The following SAMSN1 variants were observed in gnomAD, a reference collection of about 807,000 sequenced individuals.
The protein encoded by SAMSN1 is SAM domain, SH3 domain and nuclear localization signals 1.
SAMSN1 carries 31 observed loss-of-function variants against 42.0 expected under a neutral mutation model. The observed-to-expected ratio is 0.74, with a 90% confidence interval of 0.55 to 1.00. The LOEUF (loss-of-function observed/expected upper bound fraction) is 1.00. SAMSN1 is among the 50% of genes least tolerant of loss of function. SAMSN1 has a pLI of 0.00. For synonymous variants in SAMSN1, 178 were observed against 151.9 expected, an observed-to-expected ratio of 1.17 and a Z score of -1.26; for missense variants, 464 against 439.4, an observed-to-expected ratio of 1.06 and a Z score of -0.50.
chr21:14,653,620 A>T (rs1023010862), intron 1 of SAMSN1, among the ~76,000 whole-genome samples: 3 of 151,990 alleles, frequency 2.0e-5, no homozygotes, highest in Non-Finnish European at 4.4e-5. Context: ...TAATAACTTA[A>T]TCGTACATTT....
At chr21:14,534,618 C>T (rs1281088464) in intron 1 of SAMSN1, among the ~76,000 whole-genome samples, 2 of 151,860 alleles carry the variant, frequency 1.3e-5, no homozygotes, top group Non-Finnish European at 2.9e-5. Flanking sequence ...CGGGTTCACG[C>T]CATTCTCCTG....
intron 7 of SAMSN1, chr21:14,592,589 C>A: frequency 5.8e-6 from 2 of 347,556 alleles, no homozygotes; most frequent in Non-Finnish European, 1.2e-5. Flanking sequence ...TCCTTGGGGA[C>A]ATTTGACTAC....
intron 2 of SAMSN1, among the ~76,000 whole-genome samples, chr21:14,552,040 G>T (rs916681857): frequency 6.6e-6 from 1 of 152,108 alleles, no homozygotes; most frequent in African/African-American, 2.4e-5. Flanking sequence ...GTTGAAAAGA[G>T]AGTTGGTTCA....
chr21:14,591,583 T>C (rs1429013838), intron 7 of SAMSN1: 1 of 152,118 alleles, frequency 6.6e-6, no homozygotes, highest in Non-Finnish European at 1.5e-5. Flanking sequence ...GAGGAAAAAG[T>C]AGATGTGTCA....
intron 6 of SAMSN1, among the ~76,000 whole-genome samples, chr21:14,499,089 A>G (rs745798677): frequency 1.3e-5 from 2 of 152,200 alleles, no homozygotes; most frequent in African/African-American, 2.4e-5. Flanking sequence ...GTAATTCTAT[A>G]CAAAAAAGTG....
At chr21:14,591,518 G>A (rs1275371455) in intron 7 of SAMSN1, 3 of 152,128 alleles carry the variant, frequency 2.0e-5, no homozygotes, top group African/African-American at 7.2e-5. Flanking sequence ...ACTTCCTAGA[G>A]TCAGTATGGT....
chr21:14,548,928 T>G (rs1430034566), upstream of SAMSN1, among the ~76,000 whole-genome samples: 2 of 152,176 alleles, frequency 1.3e-5, no homozygotes, highest in Non-Finnish European at 2.9e-5. Flanking sequence ...ACCCTGTTGC[T>G]TAACATGTAT....
At chr21:14,562,287 G>A (rs929149445) in intron 2 of SAMSN1, among the ~76,000 whole-genome samples, 4 of 152,272 alleles carry the variant, frequency 2.6e-5, no homozygotes, top group Admixed American at 1.3e-4. Flanking sequence ...AATTTCTAAA[G>A]CTTGTTGATC....
Position 14,619,587 on chromosome 21 carries a change from T to A in SAMSN1, c.157-3571A>T, listed in dbSNP as rs1397242066. On this transcript the variant is annotated intron_variant, in intron 2 of 15. Coordinates refer to the SAMSN1 transcript ENST00000647101. ...CATTCACATTTTATTCAACAAACAC[T>A]TATTGAACATCTACTATGTACCAGA... The A allele has an allele frequency of 1.9e-5, 4 of 210,878 alleles. No homozygotes were observed. The Middle Eastern group carries it at 1.4e-3, about 76-fold the overall frequency. The allele number at this position is 210,878 out of a possible 1,614,324, so 13.1% of individuals were successfully genotyped here.
intron 1 of SAMSN1, among the ~76,000 whole-genome samples, chr21:14,657,303 T>C (rs1292244115): frequency 2.0e-5 from 3 of 151,870 alleles, no homozygotes; most frequent in East Asian, 3.9e-4. Flanking sequence ...TAATGAAATA[T>C]GTTTCTGAAC....
chr21:14,525,935 G>A (rs974236240), intron 1 of SAMSN1, among the ~76,000 whole-genome samples: 1 of 152,062 alleles, frequency 6.6e-6, no homozygotes, highest in Non-Finnish European at 1.5e-5. Context: ...CTCCATCTCG[G>A]CTCACTGCAA....
intron 5 of SAMSN1, among the ~76,000 whole-genome samples, chr21:14,605,227 C>T (rs1345829311): frequency 2.0e-5 from 3 of 152,220 alleles, no homozygotes; most frequent in African/African-American, 7.2e-5. Flanking sequence ...CTCTGAAGAA[C>T]TGAAGGATCC....
At chr21:14,558,796 G>A (rs975201755) in intron 2 of SAMSN1, among the ~76,000 whole-genome samples, 23 of 152,192 alleles carry the variant, frequency 1.5e-4, no homozygotes, top group African/African-American at 5.5e-4. Context: ...ATCTATTATT[G>A]ATCTTTATAA....
At position 14,592,497 on chromosome 21, in the gene SAMSN1, G is replaced by C. The variant is rs140447750; in HGVS notation, c.465+1516C>G. The C allele has an allele frequency of 7.3e-3, 1,315 of 179,760 alleles. 7 individuals carry two copies. The highest frequency in any genetic ancestry group is 0.013 in the Non-Finnish European group (971 of 75,234). The allele number at this position is 179,760 out of a possible 1,614,324, so 11.1% of individuals were successfully genotyped here. On this transcript the variant is annotated intron_variant, in intron 7 of 15. Transcript: ENST00000647101. ...TGTGACTGGCCATGTGAACTTGAGT[G>C]AGCCACTTCTCCTCTCTGCACTTCA...
intron 2 of SAMSN1, among the ~76,000 whole-genome samples, chr21:14,518,615 C>A (rs1003397757): frequency 2.0e-5 from 3 of 152,248 alleles, no homozygotes; most frequent in South Asian, 2.1e-4. Flanking sequence ...CTTTAGTGAA[C>A]TTGAATATTT....
intron 2 of SAMSN1, chr21:14,616,036 GAAT>G: frequency 3.5e-6 from 2 of 579,378 alleles, no homozygotes; most frequent in Non-Finnish European, 6.3e-6. Context: ...AAAATAAAAT[GAAT>G]AAAATAAAAT....
intron 2 of SAMSN1, among the ~76,000 whole-genome samples, chr21:14,581,787 T>G (rs376200341): frequency 6.6e-6 from 1 of 152,206 alleles, no homozygotes; most frequent in South Asian, 2.1e-4. Context: ...AAAATGCTCA[T>G]TAAAATTAGC....
chr21:14,567,943 G>T (rs1981173597), intron 2 of SAMSN1, among the ~76,000 whole-genome samples: 3 of 152,138 alleles, frequency 2.0e-5, no homozygotes, highest in African/African-American at 7.2e-5. Context: ...TTGGATAGGT[G>T]AAAATGAAAC....
intron 2 of SAMSN1, among the ~76,000 whole-genome samples, chr21:14,641,650 G>C (rs540904619): frequency 6.6e-6 from 1 of 151,976 alleles, no homozygotes; most frequent in African/African-American, 2.4e-5. Flanking sequence ...ATTATTTTTT[G>C]TGTTATCAGG....
Sources: allele counts gnomAD v4.1 joint callset (sites outside exome capture counted in the v4.1 genomes callset), GRCh38; gene constraint gnomAD v4.1.1; transcripts MANE v1.5; gene names NCBI Gene and HGNC (gene_info 2026-07-23, HGNC 2026-07-21).